Variants in DST observed in about 807,000 individuals in gnomAD.
DST encodes the protein dystonin, also known as bullous pemphigoid antigen.
DST carries 253 observed loss-of-function variants against 875.2 expected under a neutral mutation model. The ratio of observed to expected loss-of-function variants is 0.29; its 90% CI spans 0.26 to 0.32. The LOEUF (loss-of-function observed/expected upper bound fraction) is 0.32. Ranked by LOEUF, DST falls within the 10% of genes least tolerant of loss-of-function variation. DST has a pLI of 1.00. For synonymous variants in DST, 3,124 were observed against 3,197.1 expected (o/e 0.98, Z 0.77); for missense variants, 8,287 against 9,111.6 (o/e 0.91, Z 3.68).
chr6:56,627,212 T>C lies in DST; in HGVS notation c.4714A>G (p.Thr1572Ala). The change falls in exon 34 of 104, where the codon ACA (threonine) becomes GCA (alanine). Residue 1572 changes from threonine (T) to alanine (A), a missense_variant. Physicochemically the swap from Thr to Ala is moderately conservative, Grantham distance 58. Transcript: ENST00000680361. ...CQKYAEQYSA[T>A]VKDYELQTMT... ...TTAATGAATCTTCCTACCTTCACTG[T>C]AGCTGAGTACTGTTCTGCATATTTT... is the stretch of plus-strand genomic sequence containing the variant. 1.2e-6 allele frequency: 2 copies of C among 1,610,194 alleles called. No individual in the cohort carries two copies. Among genetic ancestry groups the C allele is most frequent in the Middle Eastern group, 1.7e-4 (1 of 6,058 alleles).
chr6:56,865,261 CTGTGTGTG>C (rs35870270), intron 3 of DST, among the ~76,000 whole-genome samples: 447 of 143,786 alleles, frequency 3.1e-3, no homozygotes, highest in African/African-American at 0.01. Flanking sequence ...CCCTAGTTTT[CTGTGTGTG>C]TGTGTGTGTG....
Position 56,900,561 on chromosome 6 carries a change from G to C in DST, c.277C>G (p.Leu93Val). Reference sequence around the variant, plus strand: ...TCCACCACGGGCTTCACTTCTTCCAGACGGGCAGCTGCGGCCGCTGCAACT... The same window carrying C: ...TCCACCACGGGCTTCACTTCTTCCACACGGGCAGCTGCGGCCGCTGCAACT... ...RRVAAAAAAR[L>V]EEVKPVVEVH... is the part of the protein sequence containing the mutation. Residue 93 changes from leucine (L) to valine (V), a missense_variant, in exon 3 of 104, where the codon CTG becomes GTG. Physicochemically the swap from Leu to Val is conservative, Grantham distance 32. Around this residue, in one of 10 missense-constraint regions of DST, gnomAD observed 1,160 missense variants for 1,424.3 expected, o/e 0.81. Coordinates refer to ENST00000680361, the MANE Select transcript of DST (RefSeq NM_001374736.1). 7.3e-7 allele frequency: 1 copy of C among 1,367,686 alleles called. No individual in the cohort carries two copies. The highest frequency in any genetic ancestry group is 9.8e-7 in the Non-Finnish European group (1 of 1,021,860). The allele number at this position is 1,367,686 out of a possible 1,614,324, so 84.7% of individuals were successfully genotyped here.
At chr6:56,639,123 TG>T in intron 22 of DST, 135 bp downstream of exon 22, 1 of 765,254 alleles carries the variant, frequency 1.3e-6, no homozygotes, top group Non-Finnish European at 2.2e-6. Flanking sequence ...CAGTACAATT[TG>T]TCAGAAACAT....
intron 49 of DST, among the ~76,000 whole-genome samples, chr6:56,586,552 T>C (rs536448522): frequency 1.3e-5 from 2 of 152,164 alleles, no homozygotes; most frequent in Admixed American, 1.3e-4. Context: ...CTTGATCCAA[T>C]TTGCCAGTCT....
chr6:56,546,357 T>TATATATATATTTC (rs1418461078), intron 61 of DST, among the ~76,000 whole-genome samples: 6 of 78,874 alleles, frequency 7.6e-5, no homozygotes, highest in African/African-American at 3.4e-4. Flanking sequence ...CATATATATA[T>TATATATATATTTC]ATATATATAT....
At position 56,636,217 on chromosome 6, in the gene DST, T is replaced by C. The variant is rs1190673306; in HGVS notation, c.3060+340A>G. On this transcript the variant is annotated intron_variant, in intron 23 of 103. Coordinates refer to ENST00000680361, the MANE Select transcript of DST (RefSeq NM_001374736.1). ...GGACATAAAACCAACTCTTTCGGCCTACAAAGAAAACAATTCACATATATA... is the reference window on the plus strand; with the variant it reads ...GGACATAAAACCAACTCTTTCGGCCCACAAAGAAAACAATTCACATATATA... Among the ~76,000 whole-genome samples the C allele has an allele frequency of 4.0e-5, 6 of 151,000 alleles. 1 individual carries two copies. The highest frequency in any genetic ancestry group is 1.5e-4 in the African/African-American group (6 of 41,152).
intron 4 of DST, among the ~76,000 whole-genome samples, chr6:56,798,615 T>C (rs1257949983): frequency 1.3e-5 from 2 of 152,198 alleles, no homozygotes; most frequent in Non-Finnish European, 2.9e-5. Flanking sequence ...ATCCGTTCTG[T>C]AGCCCATGGA....
rs1379622139 is a variant in DST, at chr6:56,608,710, G to A, written c.5918C>T (p.Ala1973Val). 4 of 1,612,022 alleles carry A rather than the reference G, an allele frequency of 2.5e-6. No individual in the cohort carries two copies. Among genetic ancestry groups the A allele is most frequent in the Non-Finnish European group, 3.4e-6 (4 of 1,179,094 alleles). ...TTCACGGTCTATGAGACCTTCATGAGCTGCTCTTAAAATGCTTATGTTTCT... is the reference window on the plus strand; with the variant it reads ...TTCACGGTCTATGAGACCTTCATGAACTGCTCTTAAAATGCTTATGTTTCT... ...CGRNISILRA[A>V]HEGLIDRETM... The change falls in exon 40 of 104, where the codon GCT becomes GTT. Residue 1973 changes from alanine to valine, a missense_variant. Around this residue, in one of 10 missense-constraint regions of DST, gnomAD observed 3,138 missense variants for 3,116.6 expected, o/e 1.01. Transcript: ENST00000680361.
In DST at chr6:56,727,165, A is replaced by G. The variant is rs1233237767; in HGVS notation, c.687+8063T>C. Among the ~76,000 whole-genome samples the G allele has an allele frequency of 2.0e-5, 3 of 152,172 alleles. No individual in the cohort carries two copies. The East Asian group carries it at 5.8e-4, about 29-fold the overall frequency. On this transcript the variant is annotated intron_variant, in intron 5 of 103. Transcript: ENST00000680361. The stretch of plus-strand genomic sequence containing the variant: ...CTTTGGAAAGGCTAATCAGAACTCA[A>G]AAGAATGCAATCATTTGTCTCTTAT...
rs2098328968 is a variant in DST at position 56,593,830 on chromosome 6, G to A, written c.12559C>T (p.His4187Tyr). ...GTGATGTATCTCAAGTCACCTTTGT[G>A]AGAAATAACGTCTTCTGAGAAACTC... ...QKSFSEDVISHKGDLRYITIS... is the reference protein window; with the variant it reads ...QKSFSEDVISYKGDLRYITIS... The change falls in exon 48 of 104, where the codon CAC becomes TAC. Residue 4187 changes from histidine (H) to tyrosine (Y), a missense_variant. His to Tyr is a moderately conservative substitution (Grantham distance 83). This residue lies in a region of DST where 1,513 missense variants were observed against 1,677.8 expected (regional missense o/e 0.90). Transcript: ENST00000680361. The A allele has an allele frequency of 6.2e-7, 1 of 1,613,902 alleles. No homozygotes were observed.
intron 2 of DST, among the ~76,000 whole-genome samples, chr6:56,920,860 C>G (rs1399766570): frequency 7.0e-6 from 1 of 143,064 alleles, no homozygotes; most frequent in Non-Finnish European, 1.5e-5. Flanking sequence ...TCCGGAGTAG[C>G]TGTGACCACA....
intron 5 of DST, among the ~76,000 whole-genome samples, chr6:56,724,195 T>G (rs6910776): frequency 0.011 from 1,643 of 152,288 alleles, 26 homozygotes; most frequent in African/African-American, 0.038. Context: ...GTTAGATGTT[T>G]AAGACATTTG....
chr6:56,797,940 AG>A (rs2099742240), intron 4 of DST, among the ~76,000 whole-genome samples: 2 of 152,126 alleles, frequency 1.3e-5, no homozygotes, highest in Admixed American at 6.6e-5. Flanking sequence ...AGCCTAATCC[AG>A]AGCAAGGTCG....
Position 56,628,068 on chromosome 6 carries a change from A to G in DST, c.4569T>C (p.Thr1523=). 1 of 1,613,798 alleles carries G rather than the reference A, an allele frequency of 6.2e-7. No individual in the cohort carries two copies. The highest frequency in any genetic ancestry group is 8.5e-7 in the Non-Finnish European group (1 of 1,179,696). Residue 1523 remains threonine, a synonymous_variant, in exon 33 of 104, where the codon ACT becomes ACC. Transcript: ENST00000680361. The part of the protein sequence containing the change: ...LDDWIQQVET[T]QRKIQENQPE... Reference sequence around the variant, plus strand: ...GCTGATTTTCCTGAATCTTTCTCTGAGTAGTTTCAACCTGCTGGATCCAAT... The same window carrying G: ...GCTGATTTTCCTGAATCTTTCTCTGGGTAGTTTCAACCTGCTGGATCCAAT...
chr6:56,679,599 T>TAA (rs1165137050), intron 9 of DST, among the ~76,000 whole-genome samples: 163 of 111,842 alleles, frequency 1.5e-3, no homozygotes, highest in African/African-American at 4.5e-3. Flanking sequence ...TATGTCTCAT[T>TAA]AAAAAAAAAA....
intron 10 of DST, among the ~76,000 whole-genome samples, chr6:56,658,905 A>T (rs2099024287): frequency 6.6e-6 from 1 of 152,198 alleles, no homozygotes; most frequent in African/African-American, 2.4e-5. Context: ...GACTACAAGG[A>T]GACCAGTGCA....
Position 56,605,485 on chromosome 6 carries a change from G to T in DST, c.9143C>A (p.Thr3048Lys). ...ACCCAAGTACATTTTCTGAATTGAT[G>T]TTTCATCTTCTATTAGAATATCACT... ...GKSDILIEDE[T>K]SIQKMYLGEG... Residue 3048 changes from threonine (T) to lysine (K), a missense_variant, in exon 40 of 104, where the codon ACA becomes AAA. By Grantham distance (78) the Thr-to-Lys change is moderately conservative. Coordinates refer to ENST00000680361, the MANE Select transcript of DST (RefSeq NM_001374736.1). The T allele has an allele frequency of 6.2e-7, 1 of 1,612,860 alleles. No individual in the cohort carries two copies. Among genetic ancestry groups the T allele is most frequent in the Non-Finnish European group, 8.5e-7 (1 of 1,179,304 alleles).
At chr6:56,503,076 C>A (rs182299932) in intron 78 of DST, among the ~76,000 whole-genome samples, 2 of 152,112 alleles carry the variant, frequency 1.3e-5, no homozygotes, top group African/African-American at 2.4e-5. Flanking sequence ...CAAAACAAAC[C>A]TTTTGGGAAA....
intron 4 of DST, among the ~76,000 whole-genome samples, chr6:56,769,461 G>A (rs1489928039): frequency 6.6e-6 from 1 of 152,140 alleles, no homozygotes; most frequent in African/African-American, 2.4e-5. Flanking sequence ...AGAAGAGGAA[G>A]GATGCGGGAA....
Sources: allele counts gnomAD v4.1 joint callset (sites outside exome capture counted in the v4.1 genomes callset), GRCh38; gene constraint gnomAD v4.1.1; regional missense constraint gnomAD v4.1.1; transcripts MANE v1.5; gene names NCBI Gene and HGNC (gene_info 2026-07-23, HGNC 2026-07-21).